RBFOX3: variants seen among roughly 807,000 people sequenced by gnomAD.
RBFOX3 encodes the protein RNA binding protein fox-1 homolog 3.
RBFOX3 carries 17 observed loss-of-function variants against 48.7 expected under a neutral mutation model. The ratio of observed to expected loss-of-function variants is 0.35; its 90% CI spans 0.24 to 0.52. RBFOX3 has a LOEUF of 0.52. Ranked by LOEUF, RBFOX3 falls within the 20% of genes least tolerant of loss-of-function variation. RBFOX3 has a pLI of 0.94. For synonymous variants in RBFOX3, 212 were observed against 209.5 expected (o/e 1.01, Z -0.10); for missense variants, 382 against 497.5 (o/e 0.77, Z 2.21).
chr17:79,113,717 G>GGCAA (rs1306627519), intron 5 of RBFOX3, among the ~76,000 whole-genome samples: 10 of 152,186 alleles, frequency 6.6e-5, no homozygotes, highest in Non-Finnish European at 1.5e-4. Flanking sequence ...GCCTCTCACG[G>GGCAA]GCAAGCCAGA....
the RBFOX3 span, among the ~76,000 whole-genome samples, chr17:79,664,860 T>G: frequency 6.6e-6 from 1 of 152,222 alleles, no homozygotes; most frequent in East Asian, 1.9e-4. Flanking sequence ...TCACACAGGA[T>G]TTGTCCTTTT....
chr17:79,150,776 G>A (rs932017925), intron 4 of RBFOX3, among the ~76,000 whole-genome samples: 10 of 152,322 alleles, frequency 6.6e-5, no homozygotes, highest in Admixed American at 2.0e-4. Context: ...AGAAAAGAGG[G>A]GGGCAGGGAA....
chr17:79,096,586 G>T, intron 12 of RBFOX3, 67 bp downstream of exon 12: 1 of 1,379,922 alleles, frequency 7.2e-7, no homozygotes. Flanking sequence ...GAGAGGAGAC[G>T]CCGACTTCTC....
intron 3 of RBFOX3, among the ~76,000 whole-genome samples, chr17:79,236,524 C>T (rs2061659335): frequency 2.0e-5 from 3 of 152,054 alleles, no homozygotes; most frequent in Admixed American, 1.3e-4. Context: ...CTCCTGAGCT[C>T]GGGCAATCCA....
At position 79,097,442 on chromosome 17, in the gene RBFOX3, C is replaced by T. The variant is rs913001999; in HGVS notation, c.623-18G>A. ...CCCCGTCACTGCAGGAAACGGGGCC[C>T]GAGACACGTGTGAGAGGCACAAGGG... On this transcript the variant is annotated intron_variant, in intron 10 of 14. Coordinates refer to ENST00000693108, the MANE Select transcript of RBFOX3 (RefSeq NM_001350451.2). 2 of 1,535,524 alleles carry T rather than the reference C, an allele frequency of 1.3e-6. No homozygotes were observed. Among genetic ancestry groups the T allele is most frequent in the Admixed American group, 2.0e-5 (1 of 50,136 alleles).
rs189888548 is a variant in RBFOX3 at position 79,195,711 on chromosome 17, A to C, written c.-34+40055T>G. On this transcript the variant is annotated intron_variant, in intron 4 of 14. Coordinates refer to ENST00000693108, the MANE Select transcript of RBFOX3 (RefSeq NM_001350451.2). The surrounding 1 kb of genome is among the most constrained non-coding windows in gnomAD (Gnocchi z 5.3). ...GCTTTCCTTCTGTGCTCCCTCCCCT[A>C]CGACCGGACAGCACCAGGAAACCAG... is the stretch of plus-strand genomic sequence containing the variant. Among the ~76,000 whole-genome samples the C allele has an allele frequency of 1.9e-4, 29 of 152,196 alleles. No individual in the cohort carries two copies. The highest frequency in any genetic ancestry group is 3.8e-4 in the Non-Finnish European group (26 of 67,994).
chr17:79,253,227 C>A (rs2064250634), intron 3 of RBFOX3, among the ~76,000 whole-genome samples: 1 of 152,196 alleles, frequency 6.6e-6, no homozygotes, highest in Non-Finnish European at 1.5e-5. Flanking sequence ...CGGGGCTCAT[C>A]TTTCCCCCCA....
chr17:79,244,433 C>G (rs938189995), intron 3 of RBFOX3, among the ~76,000 whole-genome samples: 1 of 152,192 alleles, frequency 6.6e-6, no homozygotes, highest in Non-Finnish European at 1.5e-5. Context: ...TTGTATGAAG[C>G]CTCCCAGTTT....
intron 3 of RBFOX3, among the ~76,000 whole-genome samples, chr17:79,251,377 T>G (rs1172950422): frequency 6.6e-6 from 1 of 152,134 alleles, no homozygotes; most frequent in Non-Finnish European, 1.5e-5. Context: ...CCTCCCAGTA[T>G]AGTCAATGGC....
chr17:79,112,583 G>C (rs1173188623), intron 5 of RBFOX3, among the ~76,000 whole-genome samples: 2 of 152,114 alleles, frequency 1.3e-5, no homozygotes, highest in Non-Finnish European at 2.9e-5. Flanking sequence ...TCCCATCGAC[G>C]CCATCAGCCC....
intron 2 of RBFOX3, among the ~76,000 whole-genome samples, chr17:79,444,869 A>G (rs1555737214): frequency 6.6e-6 from 1 of 152,174 alleles, no homozygotes; most frequent in African/African-American, 2.4e-5. Context: ...AAGGAATTAC[A>G]ACTCAATCTA....
chr17:79,548,999 G>A (rs1240944608), intron 1 of RBFOX3, among the ~76,000 whole-genome samples: 2 of 152,254 alleles, frequency 1.3e-5, no homozygotes, highest in Non-Finnish European at 2.9e-5. Context: ...TCTCCAGGCT[G>A]TGAGGTGGTG....
intron 4 of RBFOX3, among the ~76,000 whole-genome samples, chr17:79,208,908 C>T (rs1303651723): frequency 6.6e-6 from 1 of 152,070 alleles, no homozygotes; most frequent in African/African-American, 2.4e-5. Context: ...CTCTGCCTCC[C>T]GGGTTCACGC....
intron 2 of RBFOX3, among the ~76,000 whole-genome samples, chr17:79,380,652 G>A (rs531427582): frequency 3.3e-5 from 5 of 152,358 alleles, no homozygotes; most frequent in East Asian, 1.9e-4. Context: ...GCTGGAAATC[G>A]TGGGGCACCA....
In RBFOX3 at chr17:79,493,868, G is replaced by A. The variant is rs1445979276; in HGVS notation, c.-319-11270C>T. ...TCCCTCCCCAAGTCACACACCCGCCGCGGCAGTAGGGCTCCTTGGCTCTGG... is the reference window on the plus strand; with the variant it reads ...TCCCTCCCCAAGTCACACACCCGCCACGGCAGTAGGGCTCCTTGGCTCTGG... On this transcript the variant is annotated intron_variant, in intron 1 of 14. Transcript: ENST00000693108. Among the ~76,000 whole-genome samples the A allele has an allele frequency of 3.3e-5, 5 of 152,248 alleles. No homozygotes were observed. The East Asian group carries it at 5.8e-4, about 18-fold the overall frequency.
chr17:79,122,311 C>T (rs2703525), intron 4 of RBFOX3, among the ~76,000 whole-genome samples: 28,446 of 152,132 alleles, frequency 0.19, 2,788 homozygotes, highest in Middle Eastern at 0.24. Context: ...AGTCCTGAGA[C>T]GGCCCCTCCC....
At position 79,104,142 on chromosome 17, in the gene RBFOX3, CAA is replaced by C. The variant is rs2076947605; in HGVS notation, c.361-18_361-17del. 1 of 1,550,036 alleles carries C rather than the reference CAA, an allele frequency of 6.5e-7. No homozygotes were observed. The highest frequency in any genetic ancestry group is 2.4e-5 in the East Asian group (1 of 40,900). On this transcript the variant is annotated splice_polypyrimidine_tract_variant and intron_variant, in intron 6 of 14. Transcript: ENST00000693108. ...TTCCGAATTGCTGCAGAGACAGAGA[CAA>C]AGAGGGAGTGGGGCAGACAGGAAAG...
Position 79,199,541 on chromosome 17 carries a change from C to T in RBFOX3, c.-34+36225G>A, listed in dbSNP as rs974893528. Reference sequence around the variant, plus strand: ...GTCACTGACTTAGGGCTGCCAGTGACCTCTGTGGTGGGAACAGGTGACCTA... The same window carrying T: ...GTCACTGACTTAGGGCTGCCAGTGATCTCTGTGGTGGGAACAGGTGACCTA... On this transcript the variant is annotated intron_variant, in intron 4 of 14. Transcript: ENST00000693108. The surrounding 1 kb of genome is among the most constrained non-coding windows in gnomAD (Gnocchi z 5.1). 2.0e-5 allele frequency among the ~76,000 whole-genome samples: 3 copies of T among 152,196 alleles called. No homozygotes were observed. Among genetic ancestry groups the T allele is most frequent in the African/African-American group, 7.2e-5 (3 of 41,448 alleles).
At chr17:79,386,777 T>A (rs767693479) in intron 2 of RBFOX3, among the ~76,000 whole-genome samples, 1 of 152,226 alleles carries the variant, frequency 6.6e-6, no homozygotes, top group Non-Finnish European at 1.5e-5. Context: ...ACCACATTTC[T>A]GACTAGCCTG....
Sources: gnomAD v4.1 joint callset for allele counts (sites outside exome capture counted in the v4.1 genomes callset) on GRCh38, gnomAD v4.1.1 for gene constraint, Gnocchi (gnomAD v3.1) non-coding constraint, MANE v1.5 for transcripts, NCBI Gene and HGNC (gene_info 2026-07-23, HGNC 2026-07-21) for gene names.